Variants in MGA observed in about 807,000 individuals in gnomAD.
MGA encodes MAX dimerization protein MGA, also known as MAX gene-associated protein.
Under a neutral mutation model 261.1 loss-of-function variants are expected in MGA, and 40 were observed. That is an observed-to-expected ratio of 0.15 (90% CI 0.12 to 0.20). MGA has a LOEUF of 0.20. MGA is among the 10% of genes least tolerant of loss of function. The probability of loss-of-function intolerance (pLI) is 1.00; values close to 1 mark genes in which losing one functional copy is unlikely to be tolerated. For synonymous variants in MGA, 1,302 were observed against 1,290.6 expected, an observed-to-expected ratio of 1.01 and a Z score of -0.19; for missense variants, 3,397 against 3,630.5, an observed-to-expected ratio of 0.94 and a Z score of 1.65.
At chr15:41,673,804 A>C (rs1174296473) in intron 2 of MGA, among the ~76,000 whole-genome samples, 1 of 151,718 alleles carries the variant, frequency 6.6e-6, no homozygotes, top group African/African-American at 2.4e-5. Flanking sequence ...CAACCTCCCA[A>C]AGTGCTGGAA....
intron 1 of MGA, among the ~76,000 whole-genome samples, chr15:41,644,989 T>C (rs989988400): frequency 2.6e-5 from 4 of 152,238 alleles, no homozygotes; most frequent in Non-Finnish European, 5.9e-5. Context: ...AAATTTTGTA[T>C]TGATGAAAAT....
intron 1 of MGA, among the ~76,000 whole-genome samples, chr15:41,621,823 G>C (rs1021168353): frequency 1.3e-5 from 2 of 152,204 alleles, no homozygotes; most frequent in African/African-American, 4.8e-5. Context: ...ACTGAGGTTC[G>C]ACCGGGCCCT....
intron 1 of MGA, among the ~76,000 whole-genome samples, chr15:41,623,619 C>T (rs1186959483): frequency 6.6e-6 from 1 of 151,546 alleles, no homozygotes; most frequent in Non-Finnish European, 1.5e-5. Flanking sequence ...CGATGCATGC[C>T]TGTAATCATA....
intron 11 of MGA, among the ~76,000 whole-genome samples, chr15:41,733,394 A>G (rs2061610755): frequency 6.6e-6 from 1 of 152,192 alleles, no homozygotes; most frequent in Non-Finnish European, 1.5e-5. Flanking sequence ...GGAGGATTAT[A>G]TGAGAAACTG....
In MGA at chr15:41,673,436, T is replaced by G. The variant is rs527409945; in HGVS notation, c.1064+3478T>G. ...TTTCACCATGTTGGCCAGGCTGGTCTTGAACTCCTGGCCTCAAGTGATCCT... is the reference window on the plus strand; with the variant it reads ...TTTCACCATGTTGGCCAGGCTGGTCGTGAACTCCTGGCCTCAAGTGATCCT... On this transcript the variant is annotated intron_variant, in intron 2 of 23. Transcript: ENST00000219905. Among the ~76,000 whole-genome samples the G allele has an allele frequency of 4.5e-4, 68 of 151,948 alleles. No homozygotes were observed. The South Asian group carries it at 0.011, about 24-fold the overall frequency.
At position 41,727,333 on chromosome 15, in the gene MGA, C is replaced by G; in HGVS notation, c.3584C>G (p.Ser1195Cys). Residue 1195 changes from serine (S) to cysteine (C), a missense_variant, in exon 10 of 24, where the codon TCT (serine) becomes TGT (cysteine). By Grantham distance (112) the Ser-to-Cys change is moderately radical. Transcript: ENST00000219905. ...TTATTGCCTCAGCCAGAAGTTTTAT[C>G]TCCTACTGTGAAGGGCAAACTGCTC... The G allele has an allele frequency of 6.2e-7, 1 of 1,613,958 alleles. No homozygotes were observed. Among genetic ancestry groups the G allele is most frequent in the Non-Finnish European group, 8.5e-7 (1 of 1,179,870 alleles).
intron 16 of MGA, 69 bp from the exon 17 acceptor site, chr15:41,749,042 A>G: frequency 1.3e-6 from 2 of 1,547,564 alleles, no homozygotes; most frequent in Non-Finnish European, 1.7e-6. Flanking sequence ...CCAAAAAGAA[A>G]AGCAAACATT....
chr15:41,650,981 G>A (rs549746121), intron 1 of MGA, among the ~76,000 whole-genome samples: 1 of 152,232 alleles, frequency 6.6e-6, no homozygotes, highest in South Asian at 2.1e-4. Flanking sequence ...GGTTTATTTG[G>A]CTCACAGTTC....
intron 6 of MGA, 111 bp downstream of exon 6, chr15:41,707,970 T>A: frequency 1.4e-6 from 2 of 1,407,018 alleles, no homozygotes; most frequent in Non-Finnish European, 1.9e-6. Flanking sequence ...TAGTCTAAGA[T>A]AGATCTTTTG....
At chr15:41,703,194 T>A (rs1003419654) in intron 5 of MGA, among the ~76,000 whole-genome samples, 1 of 152,122 alleles carries the variant, frequency 6.6e-6, no homozygotes, top group Non-Finnish European at 1.5e-5. Context: ...TTTCTCAGAT[T>A]TTGTGTTTAA....
intron 2 of MGA, chr15:41,691,506 A>G (rs1464836763): frequency 6.1e-6 from 2 of 328,432 alleles, no homozygotes; most frequent in South Asian, 2.9e-5. Context: ...TTCCTCTACA[A>G]TCTGGATGCC....
intron 7 of MGA, among the ~76,000 whole-genome samples, chr15:41,710,362 C>T (rs549496482): frequency 9.2e-5 from 14 of 152,210 alleles, no homozygotes; most frequent in African/African-American, 3.4e-4. Context: ...GACTCATTCT[C>T]TTCACTTGGT....
At position 41,699,105 on chromosome 15, in the gene MGA, G is replaced by A; in HGVS notation, c.2134G>A (p.Glu712Lys). The A allele has an allele frequency of 6.2e-7, 1 of 1,612,740 alleles. No homozygotes were observed. The highest frequency in any genetic ancestry group is 8.5e-7 in the Non-Finnish European group (1 of 1,179,372). ...TTCCCAGTTGGAAAAGGAATTGATA[G>A]AAGATTTGAAGACTTTGCGGCACAA... Residue 712 changes from glutamate to lysine, a missense_variant, in exon 5 of 24, where the codon GAA (glutamate) becomes AAA (lysine). By Grantham distance (56) the Glu-to-Lys change is moderately conservative. This residue lies in a region of MGA where 563 missense variants were observed against 563.6 expected (regional missense o/e 1.00). Transcript: ENST00000219905.
intron 18 of MGA, among the ~76,000 whole-genome samples, chr15:41,756,847 G>T (rs762901144): frequency 9.2e-5 from 14 of 152,102 alleles, no homozygotes; most frequent in Non-Finnish European, 2.1e-4. Context: ...TCGTGCCTTG[G>T]CCTCCTAAAG....
intron 1 of MGA, among the ~76,000 whole-genome samples, chr15:41,638,956 C>T (rs1174002756): frequency 6.6e-6 from 1 of 152,104 alleles, no homozygotes; most frequent in Non-Finnish European, 1.5e-5. Context: ...AGTGATCCAC[C>T]TGTCTTGGCC....
chr15:41,696,076 C>G lies in MGA; in HGVS notation c.1066C>G (p.Leu356Val). ...TCCCTTTCTCCTCTCTCTCTCCAGT[C>G]TTATTGCCAGCAGTTTTGAAGATGA... is the stretch of plus-strand genomic sequence containing the variant. Residue 356 changes from leucine (L) to valine (V), a missense_variant and splice_region_variant, in exon 3 of 24, where the codon CTT becomes GTT. Leu to Val is a conservative substitution (Grantham distance 32). Coordinates refer to ENST00000219905, the MANE Select transcript of MGA (RefSeq NM_001164273.2). The G allele has an allele frequency of 1.2e-6, 2 of 1,602,260 alleles. No individual in the cohort carries two copies. Among genetic ancestry groups the G allele is most frequent in the Non-Finnish European group, 1.7e-6 (2 of 1,172,874 alleles).
At chr15:41,641,488 T>C (rs2056817776) in intron 1 of MGA, among the ~76,000 whole-genome samples, 1 of 85,222 alleles carries the variant, frequency 1.2e-5, no homozygotes, top group Non-Finnish European at 2.4e-5. Context: ...ATCCTAACAC[T>C]TTTTTTTTTT....
At chr15:41,697,050 T>G (rs1363188375) in intron 3 of MGA, 27 bp downstream of exon 3, 5 of 1,460,728 alleles carry the variant, frequency 3.4e-6, no homozygotes, top group Admixed American at 2.6e-5. Context: ...CAGGATTCTT[T>G]AAGGCTAATT....
chr15:41,752,549 G>GTTTTTTTT (rs35282917), intron 17 of MGA, among the ~76,000 whole-genome samples: 2 of 102,144 alleles, frequency 2.0e-5, no homozygotes, highest in African/African-American at 3.7e-5. Flanking sequence ...AACCTTTAAA[G>GTTTTTTTT]TTTTTTTTTT....
Sources: gnomAD v4.1 joint callset for allele counts (sites outside exome capture counted in the v4.1 genomes callset) on GRCh38, gnomAD v4.1.1 for gene constraint, gnomAD v4.1.1 regional missense constraint, MANE v1.5 for transcripts, NCBI Gene and HGNC (gene_info 2026-07-23, HGNC 2026-07-21) for gene names.